The following CERS4 variants were observed in gnomAD, a reference collection of about 807,000 sequenced individuals.
The protein encoded by CERS4 is LAG1 homolog, ceramide synthase 4.
CERS4 carries 65 observed loss-of-function variants against 51.8 expected under a neutral mutation model. The ratio of observed to expected loss-of-function variants is 1.26; its 90% CI spans 1.03 to 1.54. The LOEUF (loss-of-function observed/expected upper bound fraction) is 1.54. CERS4 is among the 40% of genes most tolerant of loss of function. CERS4 has a pLI of 0.00. For synonymous variants in CERS4, 228 were observed against 208.4 expected (o/e 1.09, Z -0.81); for missense variants, 563 against 500.4 (o/e 1.13, Z -1.19).
At chr19:8,234,718 T>TG (rs940207893) in intron 2 of CERS4, among the ~76,000 whole-genome samples, 89 of 111,256 alleles carry the variant, frequency 8.0e-4, no homozygotes, top group African/African-American at 2.9e-3. Context: ...TATGCCCAGC[T>TG]AATTTTTGCA....
intron 2 of CERS4, among the ~76,000 whole-genome samples, chr19:8,218,221 T>A (rs1214058722): frequency 6.6e-6 from 1 of 152,152 alleles, no homozygotes; most frequent in Non-Finnish European, 1.5e-5. Flanking sequence ...CACCTTGGCC[T>A]CCCAAAGCAC....
rs540972840 is a variant in CERS4, at chr19:8,240,176, G to A, written c.-1-10900G>A. Among the ~76,000 whole-genome samples the A allele has an allele frequency of 1.6e-3, 251 of 152,238 alleles. 3 individuals carry two copies. Among genetic ancestry groups the A allele is most frequent in the South Asian group, 9.1e-3 (44 of 4,822 alleles). On this transcript the variant is annotated intron_variant, in intron 2 of 11. Coordinates refer to ENST00000251363, the MANE Select transcript of CERS4 (RefSeq NM_024552.3). Reference sequence around the variant, plus strand: ...GTGAGCTTGGTGAGTTGGAAGCCCAGCAAGCAGCAGTTGCTATGGATTAAG... The same window carrying A: ...GTGAGCTTGGTGAGTTGGAAGCCCAACAAGCAGCAGTTGCTATGGATTAAG...
At chr19:8,259,376 C>T (rs911064433) in intron 10 of CERS4, among the ~76,000 whole-genome samples, 1 of 152,020 alleles carries the variant, frequency 6.6e-6, no homozygotes, top group Non-Finnish European at 1.5e-5. Flanking sequence ...GTGGCTGGAG[C>T]AGAGTGGGTG....
At chr19:8,240,614 G>GTGTGTGTGTGTGTGTGTGTGTGTGT (rs148847272) in intron 2 of CERS4, 8 of 152,396 alleles carry the variant, frequency 5.2e-5, no homozygotes, top group African/African-American at 1.7e-4. Flanking sequence ...GTGTGTGTGT[G>GTGTGTGTGTGTGTGTGTGTGTGTGT]TTTTCATCTC....
chr19:8,229,286 A>G (rs1967911361), intron 2 of CERS4, among the ~76,000 whole-genome samples: 1 of 152,118 alleles, frequency 6.6e-6, no homozygotes, highest in Non-Finnish European at 1.5e-5. Context: ...GATCAGTAAA[A>G]CACAAGACAG....
At chr19:8,251,928 A>T (rs565233777) in intron 3 of CERS4, among the ~76,000 whole-genome samples, 110 of 151,388 alleles carry the variant, frequency 7.3e-4, no homozygotes, top group African/African-American at 1.6e-3. Context: ...CTTAAAAAAA[A>T]TTTTTTTTTG....
At chr19:8,236,172 G>A (rs1968244055) in intron 2 of CERS4, among the ~76,000 whole-genome samples, 1 of 152,136 alleles carries the variant, frequency 6.6e-6, no homozygotes, top group Admixed American at 6.6e-5. Flanking sequence ...TCCGGCCTGG[G>A]TGACAGAGTG....
At position 8,261,989 on chromosome 19, in the gene CERS4, G is replaced by A. The variant is rs778564076; in HGVS notation, c.1065G>A (p.Ala355=). 3.2e-5 allele frequency: 51 copies of A among 1,596,704 alleles called. No homozygotes were observed. In the East Asian group the frequency reaches 4.9e-4, roughly 15 times the overall value. ...EESDSSEEAA[A]AQEPLQLKNG... The stretch of plus-strand genomic sequence containing the variant: ...CAGACTCCAGTGAGGAGGCGGCGGC[G>A]GCCCAGGAACCTCTGCAGCTAAAGA... Residue 355 remains alanine, a synonymous_variant, in exon 12 of 12, where the codon GCG becomes GCA. Transcript: ENST00000251363.
rs1044547 is a variant in CERS4 at position 8,262,115 on chromosome 19, C to A, written c.*6C>A. The A allele has an allele frequency of 2.1e-6, 3 of 1,456,392 alleles. No homozygotes were observed. The highest frequency in any genetic ancestry group is 2.7e-6 in the Non-Finnish European group (3 of 1,107,260). The allele number at this position is 1,456,392 out of a possible 1,614,324, so 90.2% of individuals were successfully genotyped here. ...GGCACACAACAGCCACATAGCCGGG[C>A]GGGGCTGGCTGTAAGGGGTTGCCCC... On this transcript the variant is annotated 3_prime_UTR_variant, in exon 12 of 12. Coordinates refer to ENST00000251363, the MANE Select transcript of CERS4 (RefSeq NM_024552.3).
At chr19:8,256,090 C>A in intron 6 of CERS4, 146 bp from the exon 7 acceptor site, 1 of 987,524 alleles carries the variant, frequency 1.0e-6, no homozygotes, top group Non-Finnish European at 1.5e-6. Context: ...AATGAGCCCC[C>A]CAGTCGAGAG....
chr19:8,214,152 G>C (rs1327796928), intron 2 of CERS4, among the ~76,000 whole-genome samples: 2 of 136,152 alleles, frequency 1.5e-5, no homozygotes, highest in African/African-American at 5.4e-5. Context: ...TTTAATCCAG[G>C]GTCCCATGAC....
At chr19:8,256,427 T>C (rs1011128056) in intron 7 of CERS4, 141 bp downstream of exon 7, 1 of 1,028,032 alleles carries the variant, frequency 9.7e-7, no homozygotes, top group African/African-American at 2.2e-5. Context: ...CTCTGGGGAA[T>C]AGAGAGGGGC....
chr19:8,262,127 T>G lies in CERS4; in HGVS notation c.*18T>G, dbSNP rs776804362. 2.8e-6 allele frequency: 4 copies of G among 1,438,558 alleles called. No homozygotes were observed. The highest frequency in any genetic ancestry group is 3.6e-6 in the Non-Finnish European group (4 of 1,098,438). 89.1% of individuals were successfully genotyped at this position (1,438,558 alleles called of 1,614,324 possible). A position where few individuals can be genotyped will look rare whatever the true frequency, so the allele number is the denominator to read the frequency against. On this transcript the variant is annotated 3_prime_UTR_variant, in exon 12 of 12. Transcript: ENST00000251363. The stretch of plus-strand genomic sequence containing the variant: ...CCACATAGCCGGGCGGGGCTGGCTG[T>G]AAGGGGTTGCCCCCCCGCCAGTGCC...
rs1568501097 is a variant in CERS4 at position 8,221,870 on chromosome 19, A to AT, written c.-2+11009dup. Among the ~76,000 whole-genome samples, 9 of 31,770 alleles carry AT rather than the reference A, an allele frequency of 2.8e-4. No homozygotes were observed. In the South Asian group the frequency reaches 7.6e-3, roughly 27 times the overall value. 20.8% of individuals were successfully genotyped at this position (31,770 alleles called of 152,430 possible). A position where few individuals can be genotyped will look rare whatever the true frequency, so the allele number is the denominator to read the frequency against. Reference sequence around the variant, plus strand: ...TACTTACTGACTTATTTATTTTTTTATGTTTTTTTTTTTTTTTTTTTTTTT... The same window carrying AT: ...TACTTACTGACTTATTTATTTTTTTATTGTTTTTTTTTTTTTTTTTTTTTTT... On this transcript the variant is annotated intron_variant, in intron 2 of 11. Transcript: ENST00000251363.
intron 2 of CERS4, among the ~76,000 whole-genome samples, chr19:8,247,522 T>C (rs1030751514): frequency 2.0e-5 from 3 of 152,034 alleles, no homozygotes; most frequent in Non-Finnish European, 4.4e-5. Context: ...TGGGCTCAAG[T>C]CGTACTCCCA....
intron 2 of CERS4, among the ~76,000 whole-genome samples, chr19:8,239,050 G>A (rs926198193): frequency 4.6e-5 from 7 of 152,052 alleles, no homozygotes; most frequent in Non-Finnish European, 8.8e-5. Context: ...GTAGTGAGCT[G>A]CAATGGTGCC....
chr19:8,215,214 C>CA lies in CERS4; in HGVS notation c.-2+4353dup, dbSNP rs565351839. 2.2e-4 allele frequency among the ~76,000 whole-genome samples: 34 copies of CA among 152,202 alleles called. No homozygotes were observed. The South Asian group carries it at 6.6e-3, about 30-fold the overall frequency. Reference sequence around the variant, plus strand: ...AGCAGCAGGGCCAGGCGCGGTGGCTCACACCTGTGATCCCAGCACTTTGGG... The same window carrying CA: ...AGCAGCAGGGCCAGGCGCGGTGGCTCAACACCTGTGATCCCAGCACTTTGGG... On this transcript the variant is annotated intron_variant, in intron 2 of 11. Coordinates refer to ENST00000251363, the MANE Select transcript of CERS4 (RefSeq NM_024552.3).
At chr19:8,221,433 C>T (rs1346399733) in intron 2 of CERS4, among the ~76,000 whole-genome samples, 1 of 152,170 alleles carries the variant, frequency 6.6e-6, no homozygotes, top group African/African-American at 2.4e-5. Context: ...AGCCTCTGCA[C>T]GTGATGCCAA....
intron 2 of CERS4, among the ~76,000 whole-genome samples, chr19:8,237,240 G>A (rs1968307678): frequency 6.6e-6 from 1 of 151,844 alleles, no homozygotes; most frequent in South Asian, 2.1e-4. Flanking sequence ...GATTTCATGG[G>A]TGTGTACATA....
Sources: allele counts gnomAD v4.1 joint callset (sites outside exome capture counted in the v4.1 genomes callset), GRCh38; gene constraint gnomAD v4.1.1; transcripts MANE v1.5; gene names NCBI Gene and HGNC (gene_info 2026-07-23, HGNC 2026-07-21).